Variants in PDZK1IP1 observed in about 807,000 individuals in gnomAD.
PDZK1IP1 encodes PDZK1-interacting protein 1.
In PDZK1IP1, 9 loss-of-function variants were observed where a neutral mutation model predicts 14.7. That is an observed-to-expected ratio of 0.61 (90% CI 0.37 to 1.07). PDZK1IP1 has a LOEUF of 1.07. Among genes scored for constraint, PDZK1IP1 ranks in the 50% least tolerant of loss-of-function variants. PDZK1IP1 has a pLI of 0.01. For missense variants in PDZK1IP1, 152 were observed against 148.7 expected (o/e 1.02, Z -0.11); for synonymous variants, 70 against 61.2 (o/e 1.14, Z -0.67).
intron 3 of PDZK1IP1, among the ~76,000 whole-genome samples, chr1:47,184,690 G>A (rs1645308430): frequency 7.0e-6 from 1 of 143,312 alleles, no homozygotes; most frequent in Admixed American, 7.0e-5. Context: ...TCCCCTCACT[G>A]AGTCCCTCAC....
chr1:47,188,153 AACCTGC>A (rs887880786), intron 1 of PDZK1IP1, among the ~76,000 whole-genome samples: 27 of 152,320 alleles, frequency 1.8e-4, no homozygotes, highest in African/African-American at 6.3e-4. Context: ...TTGAGGCCCC[AACCTGC>A]ACCCTTCTCT....
At chr1:47,184,473 C>T (rs80164666) in intron 3 of PDZK1IP1, among the ~76,000 whole-genome samples, 8 of 9,686 alleles carry the variant, frequency 8.3e-4, no homozygotes, top group Non-Finnish European at 2.0e-3. Context: ...GAGTCCATCC[C>T]CCACTGAACC....
rs1645327163 is a variant in PDZK1IP1 at position 47,187,437 on chromosome 1, G to A, written c.68-10C>T. On this transcript the variant is annotated splice_polypyrimidine_tract_variant and intron_variant, in intron 1 of 3. Transcript: ENST00000294338. ...TGAAGGTTCCCCAGGCCTAACAAAG[G>A]GAGAGGGGCTGTAGCAGACGGGGCC... 20 of 1,608,230 alleles carry A rather than the reference G, an allele frequency of 1.2e-5. No individual in the cohort carries two copies. In the East Asian group the frequency reaches 4.0e-4, roughly 32 times the overall value.
chr1:47,189,443 C>T (rs1256768598), intron 1 of PDZK1IP1, among the ~76,000 whole-genome samples: 1 of 152,148 alleles, frequency 6.6e-6, no homozygotes, highest in Non-Finnish European at 1.5e-5. Context: ...CAGAGCAGGA[C>T]GAAGAGGTCA....
intron 2 of PDZK1IP1, among the ~76,000 whole-genome samples, chr1:47,185,986 G>T (rs532792604): frequency 6.6e-6 from 1 of 152,280 alleles, no homozygotes; most frequent in African/African-American, 2.4e-5. Context: ...TTCTGCTAAG[G>T]CCGTGTCTCA....
At chr1:47,185,886 C>T (rs1569852919) in intron 2 of PDZK1IP1, among the ~76,000 whole-genome samples, 1 of 152,130 alleles carries the variant, frequency 6.6e-6, no homozygotes, top group African/African-American at 2.4e-5. Flanking sequence ...CCCTCCTGAC[C>T]TCATGCCCAC....
intron 1 of PDZK1IP1, among the ~76,000 whole-genome samples, chr1:47,188,369 C>T (rs1362716145): frequency 1.3e-5 from 2 of 152,172 alleles, no homozygotes; most frequent in Non-Finnish European, 2.9e-5. Flanking sequence ...AAGTCCCTGC[C>T]TTCAGGCCTC....
rs746601524 is a variant in PDZK1IP1, at chr1:47,185,051, C to T, written c.223G>A (p.Val75Ile). 2.5e-6 allele frequency: 4 copies of T among 1,613,496 alleles called. No individual in the cohort carries two copies. The highest frequency in any genetic ancestry group is 3.4e-6 in the Non-Finnish European group (4 of 1,179,952). The change falls in exon 3 of 4, where the codon GTC becomes ATC. Residue 75 changes from valine (V) to isoleucine (I), a missense_variant. Val to Ile is a conservative substitution (Grantham distance 29, BLOSUM62 3). Coordinates refer to ENST00000294338, the MANE Select transcript of PDZK1IP1 (RefSeq NM_005764.4). ...ILTVGNKADGVLVGTDGRYSS... is the reference protein window; with the variant it reads ...ILTVGNKADGILVGTDGRYSS... ...TACCTTCCATCTGTTCCCACCAGGA[C>T]TCCATCTGCCTTGTTTCCGACGGTC...
chr1:47,187,374 G>C lies in PDZK1IP1; in HGVS notation c.121C>G (p.Leu41Val). 6.2e-7 allele frequency: 1 copy of C among 1,612,880 alleles called. No individual in the cohort carries two copies. ...GCAAAGGCGATTGCAACGAGGACCA[G>C]GAACACGGCCACCGCGATAAGGCCC... ...MQGLIAVAVF[L>V]VLVAIAFAVN... Residue 41 changes from leucine (L) to valine (V), a missense_variant, in exon 2 of 4, where the codon CTG (leucine) becomes GTG (valine). Leu to Val is a conservative substitution (Grantham distance 32). Coordinates refer to ENST00000294338, the MANE Select transcript of PDZK1IP1 (RefSeq NM_005764.4).
chr1:47,187,213 G>T, intron 2 of PDZK1IP1, 106 bp downstream of exon 2: 1 of 707,824 alleles, frequency 1.4e-6, no homozygotes, highest in Non-Finnish European at 2.5e-6. Context: ...AGCCTCAGGG[G>T]GAGGATTGGA....
Position 47,187,369 on chromosome 1 carries a change from G to T in PDZK1IP1, c.126C>A (p.Val42=). The T allele has an allele frequency of 6.2e-7, 1 of 1,612,848 alleles. No homozygotes were observed. Among genetic ancestry groups the T allele is most frequent in the Non-Finnish European group, 8.5e-7 (1 of 1,179,972 alleles). ...QGLIAVAVFL[V]LVAIAFAVNH... ...TGACTGCAAAGGCGATTGCAACGAG[G>T]ACCAGGAACACGGCCACCGCGATAA... Residue 42 remains valine, a synonymous_variant, in exon 2 of 4, where the codon GTC becomes GTA. Coordinates refer to ENST00000294338, the MANE Select transcript of PDZK1IP1 (RefSeq NM_005764.4).
chr1:47,187,478 G>A, intron 1 of PDZK1IP1, 51 bp from the exon 2 acceptor site: 6 of 1,434,562 alleles, frequency 4.2e-6, no homozygotes, highest in Admixed American at 1.7e-5. Flanking sequence ...GGGGCTGCAT[G>A]TGCAGGAGAG....
chr1:47,187,904 A>G (rs1371795879), intron 1 of PDZK1IP1, among the ~76,000 whole-genome samples: 1 of 152,208 alleles, frequency 6.6e-6, no homozygotes, highest in Non-Finnish European at 1.5e-5. Flanking sequence ...TTCTGTAGCA[A>G]GACGTTTCTC....
In PDZK1IP1 at chr1:47,183,947, T is replaced by C. The variant is rs1389180437; in HGVS notation, c.*24A>G. On this transcript the variant is annotated 3_prime_UTR_variant, in exon 4 of 4. Transcript: ENST00000294338. ...CATCCATCCCATGTGCCTGGGAGTC[T>C]TGGGGTTGGAGCCACAGAGAAGGTT... The C allele has an allele frequency of 6.3e-7, 1 of 1,576,384 alleles. No homozygotes were observed. Among genetic ancestry groups the C allele is most frequent in the Non-Finnish European group, 8.6e-7 (1 of 1,157,362 alleles).
chr1:47,185,320 C>G (rs530981602), intron 2 of PDZK1IP1: 103 of 529,714 alleles, frequency 1.9e-4, no homozygotes, highest in Middle Eastern at 1.6e-3. Context: ...AAGATTTATC[C>G]TGAGTCCAAA....
In PDZK1IP1 at chr1:47,189,840, T is replaced by G. The variant is rs1458613384; in HGVS notation, c.67+26A>C. Reference sequence around the variant, plus strand: ...CACCTGTCCACCCCTGGGTCTCCCGTGCCCAGCCCTCTCCTCCTGAGCTAC... The same window carrying G: ...CACCTGTCCACCCCTGGGTCTCCCGGGCCCAGCCCTCTCCTCCTGAGCTAC... On this transcript the variant is annotated intron_variant, in intron 1 of 3. Coordinates refer to ENST00000294338, the MANE Select transcript of PDZK1IP1 (RefSeq NM_005764.4). 1.9e-6 allele frequency: 3 copies of G among 1,565,472 alleles called. No homozygotes were observed. The South Asian group carries it at 3.5e-5, about 18-fold the overall frequency.
chr1:47,187,088 G>T (rs1645324174), intron 2 of PDZK1IP1, among the ~76,000 whole-genome samples: 1 of 152,236 alleles, frequency 6.6e-6, no homozygotes, highest in Non-Finnish European at 1.5e-5. Flanking sequence ...GGGCACCAGA[G>T]CTGTGGGGCC....
At chr1:47,187,492 G>T in intron 1 of PDZK1IP1, 65 bp from the exon 2 acceptor site, 1 of 1,311,244 alleles carries the variant, frequency 7.6e-7, no homozygotes. Flanking sequence ...AGGAGAGCGA[G>T]GGGCCTCACT....
Position 47,184,000 on chromosome 1 carries a change from C to G in PDZK1IP1, c.316G>C (p.Glu106Gln), listed in dbSNP as rs1292868098. ...ATCGGGGTGCTGCGGACCTTGCCTT[C>G]CTCCTCGGGCACATTCTCATAGGCA... ...ENAYENVPEE[E>Q]GKVRSTPM Residue 106 changes from glutamate (E) to glutamine (Q), a missense_variant, in exon 4 of 4, where the codon GAA becomes CAA. Physicochemically the swap from Glu to Gln is conservative, Grantham distance 29 (BLOSUM62 2). Coordinates refer to ENST00000294338, the MANE Select transcript of PDZK1IP1 (RefSeq NM_005764.4). 6.3e-7 allele frequency: 1 copy of G among 1,598,402 alleles called. No individual in the cohort carries two copies. The highest frequency in any genetic ancestry group is 1.3e-5 in the African/African-American group (1 of 74,682).
Sources: allele counts gnomAD v4.1 joint callset (sites outside exome capture counted in the v4.1 genomes callset), GRCh38; gene constraint gnomAD v4.1.1; transcripts MANE v1.5; gene names NCBI Gene and HGNC (gene_info 2026-07-23, HGNC 2026-07-21).